UGT2B17: variants seen among roughly 807,000 people sequenced by gnomAD.
UGT2B17 encodes UDP glucuronosyltransferase family 2 member B17.
UGT2B17 carries 21 observed loss-of-function variants against 48.2 expected under a neutral mutation model. The observed-to-expected ratio is 0.44, with a 90% CI of 0.31 to 0.63. The LOEUF (loss-of-function observed/expected upper bound fraction) is 0.63. Among genes scored for constraint, UGT2B17 ranks in the 20% least tolerant of loss-of-function variants. UGT2B17 has a pLI of 0.08. For synonymous variants in UGT2B17, 146 were observed against 238.4 expected, an observed-to-expected ratio of 0.61 and a Z score of 3.57; for missense variants, 402 against 696.1, an observed-to-expected ratio of 0.58 and a Z score of 4.75.
intron 6 of UGT2B17, among the ~76,000 whole-genome samples, chr4:68,547,807 C>CA (rs1730844598): frequency 7.9e-6 from 1 of 126,180 alleles, no homozygotes; most frequent in Admixed American, 8.1e-5. Context: ...TTTAGGCAGC[C>CA]AAAAGACATA....
chr4:68,574,069 G>A (rs1356887648), intron 1 of UGT2B17, among the ~76,000 whole-genome samples: 1 of 127,030 alleles, frequency 7.9e-6, no homozygotes, highest in Non-Finnish European at 1.7e-5. Flanking sequence ...ATGTGCACAA[G>A]CATAACAATT....
intron 6 of UGT2B17, among the ~76,000 whole-genome samples, chr4:68,541,030 C>G (rs981440764): frequency 8.0e-6 from 1 of 125,714 alleles, no homozygotes; most frequent in Non-Finnish European, 1.7e-5. Flanking sequence ...ATCATATTTT[C>G]TTTATCCAGT....
chr4:68,543,396 T>G (rs1730721897), intron 6 of UGT2B17, among the ~76,000 whole-genome samples: 1 of 125,528 alleles, frequency 8.0e-6, no homozygotes, highest in Non-Finnish European at 1.7e-5. Flanking sequence ...GAAGGAAAAC[T>G]AACAAACGGA....
At chr4:68,545,716 G>C (rs1246273088) in intron 6 of UGT2B17, among the ~76,000 whole-genome samples, 1 of 125,612 alleles carries the variant, frequency 8.0e-6, no homozygotes, top group Non-Finnish European at 1.7e-5. Flanking sequence ...GAATCAAATA[G>C]ATGGAATAAA....
intron 3 of UGT2B17, among the ~76,000 whole-genome samples, chr4:68,564,432 G>T (rs1731161163): frequency 1.7e-5 from 2 of 120,242 alleles, no homozygotes; most frequent in African/African-American, 5.7e-5. Flanking sequence ...GCTATTAGAG[G>T]TGCCTGCCAA....
Position 68,554,082 on chromosome 4 carries a change from C to T in UGT2B17, c.1006-2171G>A, listed in dbSNP as rs1730961559. 1.6e-5 allele frequency among the ~76,000 whole-genome samples: 2 copies of T among 125,352 alleles called. 1 individual carries two copies. Among genetic ancestry groups the T allele is most frequent in the Admixed American group, 1.6e-4 (2 of 12,182 alleles). The allele number at this position is 125,352 out of a possible 152,430, so 82.2% of individuals were successfully genotyped here. ...GGCAGATCACCCAGCATTTTGAGCC[C>T]TCTCAGAGGTCATACACCTCTGGAG... On this transcript the variant is annotated intron_variant, in intron 4 of 6. Transcript: ENST00000317746.
chr4:68,552,834 T>C (rs1265587069), intron 4 of UGT2B17, among the ~76,000 whole-genome samples: 1 of 125,642 alleles, frequency 8.0e-6, no homozygotes, highest in Non-Finnish European at 1.7e-5. Flanking sequence ...ACTCCTTTTT[T>C]TTTGTTTTTT....
rs753015185 is a variant in UGT2B17, at chr4:68,555,979, G to T, written c.1006-4068C>A. Among the ~76,000 whole-genome samples, 14 of 106,626 alleles carry T rather than the reference G, an allele frequency of 1.3e-4. 2 individuals are homozygous for T. Among genetic ancestry groups the T allele is most frequent in the Non-Finnish European group, 2.5e-4 (13 of 53,048 alleles). 70.0% of individuals were successfully genotyped at this position (106,626 alleles called of 152,430 possible). The stretch of plus-strand genomic sequence containing the variant: ...AAGAGAAATAATTTTATATGAGAAA[G>T]AATCTTGTGTGGTAAATTTAGTCCT... On this transcript the variant is annotated intron_variant, in intron 4 of 6. Coordinates refer to ENST00000317746, the MANE Select transcript of UGT2B17 (RefSeq NM_001077.4).
chr4:68,548,988 A>G (rs1237450021), intron 6 of UGT2B17, among the ~76,000 whole-genome samples: 2 of 125,164 alleles, frequency 1.6e-5, no homozygotes, highest in Admixed American at 1.6e-4. Context: ...TTTATAGAAT[A>G]CCCTTTATTT....
In UGT2B17 at chr4:68,560,930, G is replaced by C. The variant is rs1353742757; in HGVS notation, c.874-262C>G. ...AGAAATGAAACAAAGCTATGACACT[G>C]CAGTAGGAGGAGATAATGCTAGAAA... On this transcript the variant is annotated intron_variant, in intron 3 of 6. Coordinates refer to ENST00000317746, the MANE Select transcript of UGT2B17 (RefSeq NM_001077.4). Among the ~76,000 whole-genome samples the C allele has an allele frequency of 1.6e-5, 2 of 125,168 alleles. 1 individual carries two copies. Among genetic ancestry groups the C allele is most frequent in the African/African-American group, 5.5e-5 (2 of 36,530 alleles). The allele number at this position is 125,168 out of a possible 152,430, so 82.1% of individuals were successfully genotyped here.
intron 1 of UGT2B17, among the ~76,000 whole-genome samples, chr4:68,574,897 A>T (rs1731346614): frequency 8.1e-6 from 1 of 123,948 alleles, no homozygotes; most frequent in Non-Finnish European, 1.7e-5. Context: ...AATTTATTTC[A>T]GGACAAGAAT....
At chr4:68,550,598 A>G in intron 6 of UGT2B17, 79 bp downstream of exon 6, 1 of 1,103,992 alleles carries the variant, frequency 9.1e-7, no homozygotes, top group Non-Finnish European at 1.2e-6. Flanking sequence ...TTAGTCTCTT[A>G]ACAAAGGGTT....
intron 4 of UGT2B17, among the ~76,000 whole-genome samples, chr4:68,554,418 T>G (rs1399949250): frequency 7.9e-6 from 1 of 125,930 alleles, no homozygotes; most frequent in Admixed American, 8.1e-5. Flanking sequence ...ACTGTAGAGT[T>G]CCTAAGTTCT....
At chr4:68,573,349 C>T (rs1164829507) in intron 1 of UGT2B17, among the ~76,000 whole-genome samples, 1 of 123,674 alleles carries the variant, frequency 8.1e-6, no homozygotes, top group Non-Finnish European at 1.7e-5. Flanking sequence ...CAGGTAGCCT[C>T]AGGGCTGGGG....
At chr4:68,565,993 G>A (rs1186525277) in intron 2 of UGT2B17, among the ~76,000 whole-genome samples, 1 of 113,174 alleles carries the variant, frequency 8.8e-6, no homozygotes, top group Non-Finnish European at 1.8e-5. Flanking sequence ...TAATTTAATA[G>A]TATTTAATTT....
At chr4:68,570,207 TA>T (rs1731277654) in intron 1 of UGT2B17, among the ~76,000 whole-genome samples, 1 of 126,946 alleles carries the variant, frequency 7.9e-6, no homozygotes, top group African/African-American at 2.7e-5. Flanking sequence ...TTGTCCTTTT[TA>T]AGGGCTCACA....
In UGT2B17 at chr4:68,543,108, G is replaced by A. The variant is rs1383624254; in HGVS notation, c.1314-5204C>T. Among the ~76,000 whole-genome samples the A allele has an allele frequency of 5.6e-5, 7 of 125,992 alleles. 1 individual carries two copies. The highest frequency in any genetic ancestry group is 8.1e-5 in the Admixed American group (1 of 12,308). 82.7% of individuals were successfully genotyped at this position (125,992 alleles called of 152,430 possible). On this transcript the variant is annotated intron_variant, in intron 6 of 6. Coordinates refer to ENST00000317746, the MANE Select transcript of UGT2B17 (RefSeq NM_001077.4). ...AAAAGAGTAGTGGTTCTCCCAGCACGCAGCTTGAGATCTGAGAATGGACAG... is the reference window on the plus strand; with the variant it reads ...AAAAGAGTAGTGGTTCTCCCAGCACACAGCTTGAGATCTGAGAATGGACAG...
At position 68,568,027 on chromosome 4, in the gene UGT2B17, G is replaced by A. The variant is rs777386872; in HGVS notation, c.458C>T (p.Ala153Val). The stretch of plus-strand genomic sequence containing the variant: ...CAGCAGCTCACCACAGGGATTAACG[G>A]CATCTGCCAGAAGGACATCAAATTT... The part of the protein sequence containing the change: ...ESKFDVLLAD[A>V]VNPCGELLAE... Residue 153 changes from alanine (A) to valine (V), a missense_variant, in exon 2 of 7, where the codon GCC (alanine) becomes GTC (valine). Around this residue, in one of 5 missense-constraint regions of UGT2B17, gnomAD observed 84 missense variants for 92.6 expected, o/e 0.91. Transcript: ENST00000317746. The A allele has an allele frequency of 2.9e-6, 4 of 1,382,320 alleles. No homozygotes were observed. The highest frequency in any genetic ancestry group is 3.8e-6 in the Non-Finnish European group (4 of 1,055,418). The allele number at this position is 1,382,320 out of a possible 1,614,324, so 85.6% of individuals were successfully genotyped here. A position where few individuals can be genotyped will look rare whatever the true frequency, so the allele number is the denominator to read the frequency against.
rs374235916 is a variant in UGT2B17, at chr4:68,565,638, G to A, written c.807C>T (p.Arg269=). ...IRTYWDFEFP[R]PFLPNVDFVG... ...CAAAATCAACATTTGGTAAGAATGG[G>A]CGAGGAAATTCAAAATCCCAATAGG... Residue 269 remains arginine (R), a synonymous_variant, in exon 3 of 7, where the codon CGC becomes CGT. Coordinates refer to ENST00000317746, the MANE Select transcript of UGT2B17 (RefSeq NM_001077.4). The A allele has an allele frequency of 3.6e-6, 5 of 1,369,886 alleles. 1 individual carries two copies. Among genetic ancestry groups the A allele is most frequent in the Non-Finnish European group, 4.8e-6 (5 of 1,050,560 alleles). 84.9% of individuals were successfully genotyped at this position (1,369,886 alleles called of 1,614,324 possible).
Sources: gnomAD v4.1 joint callset for allele counts (sites outside exome capture counted in the v4.1 genomes callset) on GRCh38, gnomAD v4.1.1 for gene constraint, gnomAD v4.1.1 regional missense constraint, MANE v1.5 for transcripts, NCBI Gene and HGNC (gene_info 2026-07-23, HGNC 2026-07-21) for gene names.